Variants in ZNF385D observed in about 807,000 individuals in gnomAD.
ZNF385D encodes zinc finger protein 385D.
ZNF385D carries 15 observed loss-of-function variants against 35.8 expected under a neutral mutation model. That is an observed-to-expected ratio of 0.42 (90% confidence interval 0.28 to 0.64). The LOEUF is 0.64. Ranked by LOEUF, ZNF385D falls within the 30% of genes least tolerant of loss-of-function variation. ZNF385D has a pLI of 0.23. For missense variants in ZNF385D, 474 were observed against 494.6 expected (o/e 0.96, Z 0.39); for synonymous variants, 212 against 186.8 (o/e 1.13, Z -1.10).
chr3:21,849,703 A>G (rs1310359037), intron 3 of ZNF385D: 2 of 150,016 alleles, frequency 1.3e-5, no homozygotes, highest in African/African-American at 4.9e-5. Context: ...TGTCCTCAAA[A>G]TTTTTTCTTC....
At chr3:22,249,078 C>A (rs1323264249) in intron 2 of ZNF385D, among the ~76,000 whole-genome samples, 1 of 152,132 alleles carries the variant, frequency 6.6e-6, no homozygotes, top group Non-Finnish European at 1.5e-5. Flanking sequence ...GCCAGGCATT[C>A]TACCCACTTC....
chr3:21,850,742 G>A (rs1321257821), intron 3 of ZNF385D, among the ~76,000 whole-genome samples: 3 of 152,018 alleles, frequency 2.0e-5, no homozygotes, highest in Admixed American at 1.3e-4. Flanking sequence ...GGGATACTTC[G>A]TTAAGATTCC....
chr3:21,798,761 A>C (rs753154604), intron 3 of ZNF385D, among the ~76,000 whole-genome samples: 9 of 152,140 alleles, frequency 5.9e-5, no homozygotes, highest in Non-Finnish European at 1.2e-4. Context: ...AGAGAGTGAG[A>C]ATCTTGGGGG....
intron 3 of ZNF385D, among the ~76,000 whole-genome samples, chr3:21,891,768 C>CA (rs1698881587): frequency 6.6e-6 from 1 of 152,166 alleles, no homozygotes. Context: ...AGTCTATTGT[C>CA]ATTATCCCTA....
chr3:21,459,629 C>A (rs946979195), intron 4 of ZNF385D, among the ~76,000 whole-genome samples: 1 of 152,166 alleles, frequency 6.6e-6, no homozygotes. Flanking sequence ...AGTTCTCAAT[C>A]CCTATCAAGA....
intron 2 of ZNF385D, among the ~76,000 whole-genome samples, chr3:22,311,544 C>T (rs1410815896): frequency 6.6e-6 from 1 of 151,990 alleles, no homozygotes; most frequent in Non-Finnish European, 1.5e-5. Flanking sequence ...AAGCTAAATC[C>T]AGGCAAAGAC....
At chr3:21,958,968 A>T (rs1702435953) in intron 3 of ZNF385D, 1 of 152,158 alleles carries the variant, frequency 6.6e-6, no homozygotes, top group Admixed American at 6.5e-5. Context: ...AAGCCCTGAG[A>T]TTTCATAATG....
chr3:22,317,042 C>T (rs548248574), intron 2 of ZNF385D, among the ~76,000 whole-genome samples: 9 of 152,052 alleles, frequency 5.9e-5, no homozygotes, highest in South Asian at 4.2e-4. Context: ...CTTTGGGAGG[C>T]CGAGGTGGGC....
intron 2 of ZNF385D, among the ~76,000 whole-genome samples, chr3:21,641,650 T>TC (rs1276191088): frequency 6.7e-6 from 1 of 150,294 alleles, no homozygotes; most frequent in Non-Finnish European, 1.5e-5. Context: ...TTTTTTTTTT[T>TC]TTTAATATAG....
chr3:21,826,669 G>C (rs55677831), intron 3 of ZNF385D, among the ~76,000 whole-genome samples: 22,832 of 152,016 alleles, frequency 0.15, 1,799 homozygotes, highest in African/African-American at 0.2. Flanking sequence ...AGGGTGGTGG[G>C]GGATACATTC....
At chr3:21,880,641 T>C (rs2125863053) in intron 3 of ZNF385D, among the ~76,000 whole-genome samples, 1 of 152,086 alleles carries the variant, frequency 6.6e-6, no homozygotes, top group Admixed American at 6.6e-5. Flanking sequence ...CCTCTAAGTG[T>C]TCAAATGAAA....
intron 3 of ZNF385D, among the ~76,000 whole-genome samples, chr3:21,914,387 T>G (rs1349035319): frequency 6.7e-6 from 1 of 148,868 alleles, no homozygotes; most frequent in Non-Finnish European, 1.5e-5. Context: ...TTGACTTTTT[T>G]TTTTTTTTTT....
At chr3:22,099,729 G>C (rs572052399) in intron 3 of ZNF385D, among the ~76,000 whole-genome samples, 1 of 151,980 alleles carries the variant, frequency 6.6e-6, no homozygotes. Context: ...AGGATGGAGC[G>C]TAAGGAGAGC....
At chr3:22,356,203 C>G (rs910545807) in intron 2 of ZNF385D, among the ~76,000 whole-genome samples, 2 of 151,938 alleles carry the variant, frequency 1.3e-5, no homozygotes, top group Admixed American at 6.6e-5. Context: ...AACAATGCAT[C>G]TATGTTTATA....
chr3:21,703,342 AT>A (rs1467225791), intron 1 of ZNF385D, among the ~76,000 whole-genome samples: 1 of 152,292 alleles, frequency 6.6e-6, no homozygotes, highest in East Asian at 1.9e-4. Flanking sequence ...CCATGATTCA[AT>A]TACCTCCCCC....
At chr3:21,436,359 A>C (rs983121921) in intron 5 of ZNF385D, among the ~76,000 whole-genome samples, 1 of 152,156 alleles carries the variant, frequency 6.6e-6, no homozygotes, top group Non-Finnish European at 1.5e-5. Context: ...TTAATTGGTT[A>C]TGTTCTGTGC....
At chr3:21,886,780 C>T (rs1046418266) in intron 3 of ZNF385D, among the ~76,000 whole-genome samples, 3 of 152,106 alleles carry the variant, frequency 2.0e-5, no homozygotes, top group African/African-American at 7.2e-5. Context: ...ATTGACCTCT[C>T]ATAAGAAAAT....
chr3:22,194,182 ATTG>A lies in ZNF385D; in HGVS notation c.107-25150_107-25148del, dbSNP rs538400990. Reference sequence around the variant, plus strand: ...AGTACATAACAACTATCAGATTTTGATTGTTGATAAATTTTTTATTAATTTTTA... The same window carrying A: ...AGTACATAACAACTATCAGATTTTGATTGATAAATTTTTTATTAATTTTTA... On this transcript the variant is annotated intron_variant, in intron 2 of 5. Coordinates refer to the ZNF385D transcript ENST00000494108. 4.1e-3 allele frequency among the ~76,000 whole-genome samples: 624 copies of A among 151,908 alleles called. 2 individuals are homozygous for A. Among genetic ancestry groups the A allele is most frequent in the African/African-American group, 0.01 (435 of 41,544 alleles).
chr3:22,080,341 C>T (rs1700683717), intron 3 of ZNF385D, among the ~76,000 whole-genome samples: 1 of 152,096 alleles, frequency 6.6e-6, no homozygotes, highest in African/African-American at 2.4e-5. Context: ...AGCTGAGACA[C>T]TTGCTTTAAA....
Sources: allele counts gnomAD v4.1 joint callset (sites outside exome capture counted in the v4.1 genomes callset), GRCh38; gene constraint gnomAD v4.1.1; transcripts MANE v1.5; gene names NCBI Gene and HGNC (gene_info 2026-07-23, HGNC 2026-07-21).